The following KCNIP4 variants were observed in gnomAD, a reference collection of about 807,000 sequenced individuals.
KCNIP4 encodes Kv channel-interacting protein 4.
Under a neutral mutation model 34.0 loss-of-function variants are expected in KCNIP4, and 12 were observed. That is an observed-to-expected ratio of 0.35 (90% CI 0.23 to 0.57). KCNIP4 has a LOEUF of 0.57. KCNIP4 is among the 20% of genes least tolerant of loss of function. The pLI is 0.83. For synonymous variants in KCNIP4, 124 were observed against 102.2 expected, an observed-to-expected ratio of 1.21 and a Z score of -1.29; for missense variants, 238 against 311.7, an observed-to-expected ratio of 0.76 and a Z score of 1.78.
intron 1 of KCNIP4, among the ~76,000 whole-genome samples, chr4:21,393,442 C>G (rs1302198988): frequency 1.3e-5 from 2 of 152,052 alleles, no homozygotes; most frequent in African/African-American, 4.8e-5. Context: ...CTAGCTATAA[C>G]TATGCAGGGG....
chr4:21,061,006 A>G (rs1027945110), intron 1 of KCNIP4, among the ~76,000 whole-genome samples: 1 of 152,152 alleles, frequency 6.6e-6, no homozygotes, highest in Non-Finnish European at 1.5e-5. Flanking sequence ...AAAGATATGC[A>G]CGTCTTTTAA....
At chr4:21,867,807 A>T (rs1725522526) in intron 1 of KCNIP4, among the ~76,000 whole-genome samples, 2 of 152,220 alleles carry the variant, frequency 1.3e-5, no homozygotes, top group Admixed American at 1.3e-4. Flanking sequence ...CAATCTTCTT[A>T]ATCTTTTTAG....
At chr4:20,810,124 C>T (rs1715543380) in intron 3 of KCNIP4, among the ~76,000 whole-genome samples, 1 of 152,198 alleles carries the variant, frequency 6.6e-6, no homozygotes, top group Non-Finnish European at 1.5e-5. Flanking sequence ...CCCTGTAGCA[C>T]TCAGCAGAGA....
chr4:20,850,648 C>T lies in KCNIP4; in HGVS notation c.183G>A (p.Leu61=), dbSNP rs1347458578. 6.2e-7 allele frequency: 1 copy of T among 1,612,286 alleles called. No homozygotes were observed. The highest frequency in any genetic ancestry group is 2.2e-5 in the East Asian group (1 of 44,778). Residue 61 remains leucine (L), a synonymous_variant, in exon 3 of 9, where the codon CTG becomes CTA. Transcript: ENST00000382152. ...PAIQNSVEDE[L]EMATVRHRPE... is the part of the protein sequence containing the mutation. ...GCCGATGCCTGACGGTGGCCATCTC[C>T]AGTTCATCTTCCACGCTGTCTGTGG...
chr4:21,290,948 G>A (rs963474111), intron 1 of KCNIP4, among the ~76,000 whole-genome samples: 3 of 152,134 alleles, frequency 2.0e-5, no homozygotes, highest in African/African-American at 7.2e-5. Context: ...ACAGACAATA[G>A]TCCATGAGCT....
intron 1 of KCNIP4, among the ~76,000 whole-genome samples, chr4:21,786,752 G>C (rs909548203): frequency 6.6e-6 from 1 of 151,892 alleles, no homozygotes; most frequent in East Asian, 1.9e-4. Context: ...ATTTTTAGTA[G>C]AGACGGGGTT....
At chr4:21,020,952 G>A (rs1052987195) in intron 1 of KCNIP4, among the ~76,000 whole-genome samples, 9 of 152,284 alleles carry the variant, frequency 5.9e-5, no homozygotes, top group African/African-American at 1.9e-4. Flanking sequence ...ATGCAGTCAT[G>A]CTTTGCTTAA....
intron 1 of KCNIP4, among the ~76,000 whole-genome samples, chr4:21,631,511 A>G (rs1745764355): frequency 6.6e-6 from 1 of 152,180 alleles, no homozygotes; most frequent in Non-Finnish European, 1.5e-5. Flanking sequence ...CCTATATTCC[A>G]GTTGGAAAGG....
intron 1 of KCNIP4, among the ~76,000 whole-genome samples, chr4:20,922,555 A>G (rs200100109): frequency 0.13 from 3,226 of 24,454 alleles, 88 homozygotes; most frequent in Admixed American, 0.27. Context: ...CTGTCTATCT[A>G]TCTATCTATC....
intron 1 of KCNIP4, among the ~76,000 whole-genome samples, chr4:20,952,200 A>G (rs71607045): frequency 0.083 from 12,700 of 152,230 alleles, 713 homozygotes; most frequent in South Asian, 0.23. Flanking sequence ...ATAATATTAA[A>G]TATTTCAACC....
intron 2 of KCNIP4, among the ~76,000 whole-genome samples, chr4:20,855,381 G>T (rs10516364): frequency 6.6e-6 from 1 of 151,926 alleles, no homozygotes; most frequent in Non-Finnish European, 1.5e-5. Flanking sequence ...ACTACAGATT[G>T]GAGACTCAGA....
At chr4:21,023,891 G>GA (rs1560654926) in intron 1 of KCNIP4, among the ~76,000 whole-genome samples, 1 of 151,720 alleles carries the variant, frequency 6.6e-6, no homozygotes, top group Non-Finnish European at 1.5e-5. Flanking sequence ...GAAAAAAAAC[G>GA]AAAAAAGAAA....
rs12645361 is a variant in KCNIP4 at position 21,399,379 on chromosome 4, C to T, written c.62-516670G>A. ...GTGATGCAGGCATTGTCTGCAACCACCTAGCACCACGTGAAGCCAGAAAAT... is the reference window on the plus strand; with the variant it reads ...GTGATGCAGGCATTGTCTGCAACCATCTAGCACCACGTGAAGCCAGAAAAT... On this transcript the variant is annotated intron_variant, in intron 1 of 8. Transcript: ENST00000382152. 7.0e-4 allele frequency among the ~76,000 whole-genome samples: 106 copies of T among 152,298 alleles called. 2 individuals carry two copies. In the East Asian group the frequency reaches 0.02, roughly 29 times the overall value.
intron 1 of KCNIP4, among the ~76,000 whole-genome samples, chr4:21,631,890 A>G (rs1306705009): frequency 6.6e-6 from 1 of 152,144 alleles, no homozygotes; most frequent in East Asian, 1.9e-4. Context: ...TTTATACATT[A>G]CCCACCATCT....
chr4:21,775,140 CT>C (rs1719088501), intron 1 of KCNIP4, among the ~76,000 whole-genome samples: 1 of 151,990 alleles, frequency 6.6e-6, no homozygotes, highest in Non-Finnish European at 1.5e-5. Context: ...TCGTGGAGGC[CT>C]TTTTTTGGTT....
chr4:21,418,826 C>A (rs1725190814), intron 1 of KCNIP4, among the ~76,000 whole-genome samples: 1 of 152,052 alleles, frequency 6.6e-6, no homozygotes, highest in Non-Finnish European at 1.5e-5. Context: ...CAGAAGGCTC[C>A]AATCATACAG....
Position 21,543,930 on chromosome 4 carries a change from C to T in KCNIP4, c.61+404641G>A, listed in dbSNP as rs1024130086. ...TAAATTGGAAAGGAAATAAAAATAA[C>T]CTTTATGGATAAGAAAACGAACCAT... On this transcript the variant is annotated intron_variant, in intron 1 of 8. Coordinates refer to ENST00000382152, the MANE Select transcript of KCNIP4 (RefSeq NM_025221.6). Among the ~76,000 whole-genome samples, 45 of 152,014 alleles carry T rather than the reference C, an allele frequency of 3.0e-4. 1 individual carries two copies. Among genetic ancestry groups the T allele is most frequent in the Admixed American group, 3.0e-3 (45 of 15,246 alleles).
intron 1 of KCNIP4, among the ~76,000 whole-genome samples, chr4:21,758,014 A>G (rs1717780715): frequency 6.6e-6 from 1 of 152,182 alleles, no homozygotes; most frequent in African/African-American, 2.4e-5. Flanking sequence ...GGGTATGACA[A>G]TAAGACCAAC....
At chr4:21,861,260 G>A (rs921390043) in intron 1 of KCNIP4, among the ~76,000 whole-genome samples, 1 of 152,150 alleles carries the variant, frequency 6.6e-6, no homozygotes, top group African/African-American at 2.4e-5. Context: ...CTGGTTTCAA[G>A]GGATATGAAT....
Sources: gnomAD v4.1 joint callset for allele counts (sites outside exome capture counted in the v4.1 genomes callset) on GRCh38, gnomAD v4.1.1 for gene constraint, MANE v1.5 for transcripts, NCBI Gene and HGNC (gene_info 2026-07-23, HGNC 2026-07-21) for gene names.